The following FBXL7 variants were observed in gnomAD, a reference collection of about 807,000 sequenced individuals.
FBXL7 encodes the protein F-box and leucine rich repeat protein 7, also known as F-box/LRR-repeat protein 7.
In FBXL7, 12 loss-of-function variants were observed where a neutral mutation model predicts 38.3. That is an observed-to-expected ratio of 0.31 (90% confidence interval 0.20 to 0.51). FBXL7 has a LOEUF of 0.51. Among genes scored for constraint, FBXL7 ranks in the 20% least tolerant of loss-of-function variants. FBXL7 has a pLI of 0.98. For synonymous variants in FBXL7, 297 were observed against 300.9 expected, an observed-to-expected ratio of 0.99 and a Z score of 0.13; for missense variants, 567 against 676.4, an observed-to-expected ratio of 0.84 and a Z score of 1.79.
intron 2 of FBXL7, among the ~76,000 whole-genome samples, chr5:15,702,372 G>A (rs1164790917): frequency 6.6e-6 from 1 of 152,070 alleles, no homozygotes; most frequent in Non-Finnish European, 1.5e-5. Flanking sequence ...GCACTCAAAT[G>A]AGCTCAAATA....
intron 1 of FBXL7, among the ~76,000 whole-genome samples, chr5:15,523,386 G>T (rs957111215): frequency 6.6e-6 from 1 of 151,988 alleles, no homozygotes; most frequent in African/African-American, 2.4e-5. Flanking sequence ...GTGAAACCCC[G>T]TCTCTACTAA....
chr5:15,927,415 T>A (rs1741903475), intron 2 of FBXL7, among the ~76,000 whole-genome samples: 1 of 151,598 alleles, frequency 6.6e-6, no homozygotes, highest in Admixed American at 6.6e-5. Flanking sequence ...TTGGCAGGAG[T>A]CGGCCCAGGG....
chr5:15,596,621 G>C (rs1347328497), intron 1 of FBXL7, among the ~76,000 whole-genome samples: 1 of 152,246 alleles, frequency 6.6e-6, no homozygotes, highest in East Asian at 1.9e-4. Context: ...GGCAGTGCCT[G>C]CCTGAACCAG....
At chr5:15,920,702 A>G (rs1466774705) in intron 2 of FBXL7, among the ~76,000 whole-genome samples, 1 of 151,690 alleles carries the variant, frequency 6.6e-6, no homozygotes, top group Non-Finnish European at 1.5e-5. Context: ...TGTATTTTTA[A>G]TAGAGATGGG....
intron 2 of FBXL7, among the ~76,000 whole-genome samples, chr5:15,626,451 A>G (rs1193457876): frequency 6.6e-6 from 1 of 152,186 alleles, no homozygotes; most frequent in African/African-American, 2.4e-5. Flanking sequence ...GACGCAAGTA[A>G]TAAGTTTAAT....
chr5:15,546,873 ATAAGG>A (rs1454079301), intron 1 of FBXL7, among the ~76,000 whole-genome samples: 1 of 152,224 alleles, frequency 6.6e-6, no homozygotes, highest in African/African-American at 2.4e-5. Context: ...GGAGGGGCAC[ATAAGG>A]TAGGGGAGAG....
intron 2 of FBXL7, among the ~76,000 whole-genome samples, chr5:15,738,997 A>C (rs918514346): frequency 5.3e-5 from 8 of 152,220 alleles, no homozygotes; most frequent in Non-Finnish European, 1.0e-4. Flanking sequence ...GTCCCTTAAC[A>C]CATTGAAAGT....
intron 2 of FBXL7, among the ~76,000 whole-genome samples, chr5:15,625,773 G>A (rs1208021476): frequency 1.3e-5 from 2 of 152,252 alleles, no homozygotes; most frequent in African/African-American, 2.4e-5. Flanking sequence ...AATAATTTCA[G>A]CATGTACCTT....
intron 2 of FBXL7, among the ~76,000 whole-genome samples, chr5:15,715,743 C>G (rs754858856): frequency 7.9e-5 from 12 of 152,168 alleles, no homozygotes; most frequent in African/African-American, 1.9e-4. Context: ...AGTGCCTCAT[C>G]ATCATTTATT....
At chr5:15,853,923 CAT>C (rs1465054113) in intron 2 of FBXL7, among the ~76,000 whole-genome samples, 1 of 152,184 alleles carries the variant, frequency 6.6e-6, no homozygotes, top group African/African-American at 2.4e-5. Flanking sequence ...TCTTGAATGA[CAT>C]ATGGATATTT....
At chr5:15,736,197 C>T (rs1446274596) in intron 2 of FBXL7, among the ~76,000 whole-genome samples, 3 of 152,186 alleles carry the variant, frequency 2.0e-5, no homozygotes. Flanking sequence ...TAAAGCTTAA[C>T]TCCAATTTAT....
At position 15,655,486 on chromosome 5, in the gene FBXL7, T is replaced by G. The variant is rs575725464; in HGVS notation, c.127+39414T>G. Among the ~76,000 whole-genome samples the G allele has an allele frequency of 5.0e-4, 70 of 140,820 alleles. No individual in the cohort carries two copies. In the East Asian group the frequency reaches 0.014, roughly 28 times the overall value. The allele number at this position is 140,820 out of a possible 152,430, so 92.4% of individuals were successfully genotyped here. On this transcript the variant is annotated intron_variant, in intron 2 of 3. Transcript: ENST00000504595. ...TCCAGCCTGGGTGACACGGTAAGACTCTGTCTCAAAAAAAAAAAAAGAAAA... is the reference window on the plus strand; with the variant it reads ...TCCAGCCTGGGTGACACGGTAAGACGCTGTCTCAAAAAAAAAAAAAGAAAA...
chr5:15,767,323 C>T (rs1027533261), intron 2 of FBXL7, among the ~76,000 whole-genome samples: 1 of 152,112 alleles, frequency 6.6e-6, no homozygotes, highest in African/African-American at 2.4e-5. Flanking sequence ...AACAATTTAA[C>T]ACAATTTTAC....
chr5:15,888,448 C>T (rs575281490), intron 2 of FBXL7, among the ~76,000 whole-genome samples: 1 of 152,120 alleles, frequency 6.6e-6, no homozygotes, highest in South Asian at 2.1e-4. Flanking sequence ...AGGCTGGTCT[C>T]GAACTCCTGA....
chr5:15,731,913 C>T (rs1231951252), intron 2 of FBXL7, among the ~76,000 whole-genome samples: 1 of 152,004 alleles, frequency 6.6e-6, no homozygotes, highest in Non-Finnish European at 1.5e-5. Context: ...CTGTGAGGTG[C>T]CAGAAACAAC....
intron 1 of FBXL7, among the ~76,000 whole-genome samples, chr5:15,566,121 C>T (rs1304726953): frequency 2.6e-5 from 4 of 151,966 alleles, no homozygotes; most frequent in Non-Finnish European, 5.9e-5. Context: ...CACATCTCTT[C>T]TATGTCCTGT....
At chr5:15,725,797 G>T (rs113564670) in intron 2 of FBXL7, among the ~76,000 whole-genome samples, 1 of 151,956 alleles carries the variant, frequency 6.6e-6, no homozygotes, top group African/African-American at 2.4e-5. Flanking sequence ...CACCACAGCC[G>T]GCTAATTTTT....
chr5:15,783,337 A>T (rs1473635334), intron 2 of FBXL7, among the ~76,000 whole-genome samples: 1 of 152,142 alleles, frequency 6.6e-6, no homozygotes, highest in Admixed American at 6.5e-5. Context: ...AGTTCCTGGA[A>T]ATGAGAAGGT....
At chr5:15,675,589 T>C (rs1267020338) in intron 2 of FBXL7, among the ~76,000 whole-genome samples, 1 of 152,248 alleles carries the variant, frequency 6.6e-6, no homozygotes, top group Non-Finnish European at 1.5e-5. Context: ...AGGAAAGCTA[T>C]TGACCATGTG....
Sources: gnomAD v4.1 joint callset for allele counts (sites outside exome capture counted in the v4.1 genomes callset) on GRCh38, gnomAD v4.1.1 for gene constraint, MANE v1.5 for transcripts, NCBI Gene and HGNC (gene_info 2026-07-23, HGNC 2026-07-21) for gene names.